ANKRD33: variants seen among roughly 807,000 people sequenced by gnomAD.
ANKRD33 encodes ankyrin repeat domain 33.
A neutral mutation model predicts 20.6 loss-of-function variants in ANKRD33; 20 were observed. That is an observed-to-expected ratio of 0.97 (90% CI 0.68 to 1.41). The LOEUF (loss-of-function observed/expected upper bound fraction) is 1.41, where lower values mean the gene tolerates loss of function less well. Ranked by LOEUF, ANKRD33 falls within the 40% of genes most tolerant of loss-of-function variation. ANKRD33 has a pLI of 0.00. For missense variants in ANKRD33, 545 were observed against 579.6 expected (o/e 0.94, Z 0.61); for synonymous variants, 246 against 245.0 (o/e 1.00, Z -0.04).
At chr12:51,888,978 G>A (rs1565583513) in intron 2 of ANKRD33, 89 bp from the exon 3 acceptor site, 2 of 1,592,196 alleles carry the variant, frequency 1.3e-6, no homozygotes, top group Non-Finnish European at 1.7e-6. Context: ...TTTGGGGCAG[G>A]CTCTGGGACA....
chr12:51,888,496 C>T (rs772336884), intron 1 of ANKRD33, 72 bp from the exon 2 acceptor site: 74 of 1,557,756 alleles, frequency 4.8e-5, no homozygotes, highest in Non-Finnish European at 6.0e-5. Context: ...GGGCTGTGCA[C>T]TTCGCAGCTG....
At chr12:51,888,446 G>A (rs1940292631) in intron 1 of ANKRD33, 115 bp downstream of exon 1, 2 of 1,571,600 alleles carry the variant, frequency 1.3e-6, no homozygotes, top group Admixed American at 2.0e-5. Flanking sequence ...GGGTGGATGG[G>A]GCGAGACCCC....
Position 51,891,349 on chromosome 12 carries a change from C to T in ANKRD33, c.*44C>T, listed in dbSNP as rs1355378204. On this transcript the variant is annotated 3_prime_UTR_variant, in exon 5 of 5. Coordinates refer to ENST00000301190, the MANE Select transcript of ANKRD33 (RefSeq NM_182608.4). ...AGGCTGGGAACAGGTAATCAGGCCCCTCCCAGGGCTTCTTTCCCCTCTGGA... is the reference window on the plus strand; with the variant it reads ...AGGCTGGGAACAGGTAATCAGGCCCTTCCCAGGGCTTCTTTCCCCTCTGGA... 1.3e-6 allele frequency: 2 copies of T among 1,584,482 alleles called. No individual in the cohort carries two copies. The highest frequency in any genetic ancestry group is 2.3e-5 in the East Asian group (1 of 43,738).
At chr12:51,888,950 GGGCGGGTCTTCAC>G (rs753713726) in intron 2 of ANKRD33, 104 bp from the exon 3 acceptor site, 5 of 1,583,480 alleles carry the variant, frequency 3.2e-6, no homozygotes, top group Non-Finnish European at 3.4e-6. Context: ...GAATGGTTAA[GGGCGGGTCTTCAC>G]GGGGTTTGGG....
chr12:51,890,458 CTT>C (rs1940382149), intron 4 of ANKRD33, 124 bp from the exon 5 acceptor site: 18 of 1,535,146 alleles, frequency 1.2e-5, no homozygotes, highest in Non-Finnish European at 1.6e-5. Flanking sequence ...CTGATTCCAC[CTT>C]CAACAGGATG....
chr12:51,890,085 A>G (rs1259695734), intron 4 of ANKRD33: 1 of 254,536 alleles, frequency 3.9e-6, no homozygotes, highest in African/African-American at 2.2e-5. Flanking sequence ...TTCCCCACAC[A>G]CCCCACTGGG....
In ANKRD33 at chr12:51,891,306, G is replaced by A. The variant is rs143960014; in HGVS notation, c.*1G>A. 37,043 of 1,613,404 alleles carry A rather than the reference G, an allele frequency of 0.023. 531 individuals carry two copies. The highest frequency in any genetic ancestry group is 0.04 in the Middle Eastern group (242 of 6,056). On this transcript the variant is annotated 3_prime_UTR_variant, in exon 5 of 5. Coordinates refer to ENST00000301190, the MANE Select transcript of ANKRD33 (RefSeq NM_182608.4). ...GGAGGCCAGAATGGCACAGAAGTAG[G>A]GGAAGATGGGATAGGACAGGCTGGG...
rs145113038 is a variant in ANKRD33 at position 51,890,747 on chromosome 12, C to T, written c.801C>T (p.Ser267=). Residue 267 remains serine (S), a synonymous_variant, in exon 5 of 5, where the codon TCC becomes TCT. Coordinates refer to ENST00000301190, the MANE Select transcript of ANKRD33 (RefSeq NM_182608.4). The part of the protein sequence containing the change: ...QHYKPEWPAL[S]GLVAQAQAQA... Reference sequence around the variant, plus strand: ...ACAAGCCCGAGTGGCCGGCCTTGTCCGGGCTCGTGGCCCAGGCCCAGGCCC... The same window carrying T: ...ACAAGCCCGAGTGGCCGGCCTTGTCTGGGCTCGTGGCCCAGGCCCAGGCCC... The T allele has an allele frequency of 2.5e-5, 40 of 1,604,348 alleles. No individual in the cohort carries two copies. Among genetic ancestry groups the T allele is most frequent in the South Asian group, 3.3e-5 (3 of 91,036 alleles).
At chr12:51,890,166 C>T (rs982112458) in intron 4 of ANKRD33, 11 of 356,098 alleles carry the variant, frequency 3.1e-5, no homozygotes, top group Non-Finnish European at 5.5e-5. Flanking sequence ...AGAGTGACTG[C>T]TCCTCCCACA....
Position 51,891,032 on chromosome 12 carries a change from T to C in ANKRD33, c.1086T>C (p.Ser362=), listed in dbSNP as rs1369830143. 2.5e-6 allele frequency: 4 copies of C among 1,611,362 alleles called. No homozygotes were observed. In the African/African-American group the frequency reaches 4.1e-5, roughly 16 times the overall value. Residue 362 remains serine, a synonymous_variant, in exon 5 of 5, where the codon AGT becomes AGC. Transcript: ENST00000301190. ...PPLVPQSPPG[S]PQRSPWVFVP... ...TGGTTCCCCAGTCCCCGCCAGGGAG[T>C]CCCCAGAGGTCCCCGTGGGTCTTCG...
rs1398129126 is a variant in ANKRD33, at chr12:51,888,249, A to G, written c.63A>G (p.Ala21=). Residue 21 remains alanine, a synonymous_variant, in exon 1 of 5, where the codon GCA becomes GCG. Transcript: ENST00000301190. Reference sequence around the variant, plus strand: ...GGGGAGGGATAGTCCACCTGGAGGCATTCGGAGACCCAGTGATTGTGCTCC... The same window carrying G: ...GGGGAGGGATAGTCCACCTGGAGGCGTTCGGAGACCCAGTGATTGTGCTCC... The part of the protein sequence containing the change: ...ASWGGIVHLE[A]FGDPVIVLRG... The G allele has an allele frequency of 2.0e-5, 32 of 1,611,366 alleles. No individual in the cohort carries two copies. Among genetic ancestry groups the G allele is most frequent in the Non-Finnish European group, 2.7e-5 (32 of 1,178,498 alleles).
In ANKRD33 at chr12:51,889,450, C is replaced by T. The variant is rs202149780; in HGVS notation, c.605C>T (p.Thr202Met). Reference sequence around the variant, plus strand: ...GAACGCCGGGACCAGCGGGGGCTCACGGCGTTAATGAAGGCTGCCATGCGG... The same window carrying T: ...GAACGCCGGGACCAGCGGGGGCTCATGGCGTTAATGAAGGCTGCCATGCGG... Reference protein sequence around the residue: ...DLERRDQRGLTALMKAAMRNR... With the variant: ...DLERRDQRGLMALMKAAMRNR... The change falls in exon 4 of 5, where the codon ACG (threonine) becomes ATG (methionine). Residue 202 changes from threonine (T) to methionine (M), a missense_variant. By Grantham distance (81) the Thr-to-Met change is moderately conservative. Coordinates refer to ENST00000301190, the MANE Select transcript of ANKRD33 (RefSeq NM_182608.4). 3.1e-5 allele frequency: 50 copies of T among 1,614,082 alleles called. 1 individual carries two copies. The Middle Eastern group carries it at 1.2e-3, about 37-fold the overall frequency.
chr12:51,891,465 A>T lies in ANKRD33; in HGVS notation c.*160A>T. ...GTCATTCATTCTAGCATTGTTTGCA[A>T]GAGTGAAAGAGTGGAAACACCCGAA... On this transcript the variant is annotated 3_prime_UTR_variant, in exon 5 of 5. Transcript: ENST00000301190. 8.0e-7 allele frequency: 1 copy of T among 1,254,720 alleles called. No homozygotes were observed. Among genetic ancestry groups the T allele is most frequent in the South Asian group, 1.6e-5 (1 of 62,802 alleles). The allele number at this position is 1,254,720 out of a possible 1,614,324, so 77.7% of individuals were successfully genotyped here. A position where few individuals can be genotyped will look rare whatever the true frequency, so the allele number is the denominator to read the frequency against.
Position 51,890,896 on chromosome 12 carries a change from G to C in ANKRD33, c.950G>C (p.Ser317Thr). The C allele has an allele frequency of 6.2e-7, 1 of 1,613,444 alleles. No homozygotes were observed. ...GTGACTGCCACAACCAGCCTGGCCA[G>C]TCCCTTCGTCACCACTGCCTGCCAC... ...HLVTATTSLA[S>T]PFVTTACHTL... Residue 317 changes from serine to threonine, a missense_variant, in exon 5 of 5, where the codon AGT becomes ACT. Coordinates refer to ENST00000301190, the MANE Select transcript of ANKRD33 (RefSeq NM_182608.4).
Position 51,890,636 on chromosome 12 carries a change from G to C in ANKRD33, c.690G>C (p.Trp230Cys). 5 of 1,609,816 alleles carry C rather than the reference G, an allele frequency of 3.1e-6. No individual in the cohort carries two copies. Among genetic ancestry groups the C allele is most frequent in the Non-Finnish European group, 4.2e-6 (5 of 1,179,996 alleles). ...DPVRGKTALE[W>C]AVLTDSFDTV... Reference sequence around the variant, plus strand: ...TTCGGGGCAAGACGGCCCTGGAATGGGCAGTGCTGACCGACAGCTTCGACA... The same window carrying C: ...TTCGGGGCAAGACGGCCCTGGAATGCGCAGTGCTGACCGACAGCTTCGACA... The change falls in exon 5 of 5, where the codon TGG becomes TGC. Residue 230 changes from tryptophan (W) to cysteine (C), a missense_variant. Trp to Cys is a radical substitution (Grantham distance 215). Transcript: ENST00000301190.
rs1416579120 is a variant in ANKRD33 at position 51,890,625 on chromosome 12, GC to G, written c.682del (p.Leu228TrpfsTer6). ...AGTGGACCCTGTTCGGGGCAAGACG[GC>G]CCTGGAATGGGCAGTGCTGACCGAC... ...TAVDPVRGKT[A>X]LEWAVLTDSF... On this transcript the variant is annotated frameshift_variant, in exon 5 of 5. Transcript: ENST00000301190. LOFTEE classifies it low-confidence loss of function (END_TRUNC). 6.2e-7 allele frequency: 1 copy of G among 1,610,140 alleles called. No homozygotes were observed. The highest frequency in any genetic ancestry group is 1.3e-5 in the African/African-American group (1 of 74,928).
rs1261720981 is a variant in ANKRD33 at position 51,890,766 on chromosome 12, C to G, written c.820C>G (p.Gln274Glu). The G allele has an allele frequency of 5.6e-6, 9 of 1,604,006 alleles. No individual in the cohort carries two copies. The highest frequency in any genetic ancestry group is 2.2e-5 in the East Asian group (1 of 44,854). ...CTTGTCCGGGCTCGTGGCCCAGGCC[C>G]AGGCCCAGGCCCAGGTTGCCCCTTC... ...PALSGLVAQA[Q>E]AQAQVAPSLL... is the part of the protein sequence containing the mutation. Residue 274 changes from glutamine (Q) to glutamate (E), a missense_variant, in exon 5 of 5, where the codon CAG (glutamine) becomes GAG (glutamate). Coordinates refer to ENST00000301190, the MANE Select transcript of ANKRD33 (RefSeq NM_182608.4).
rs1940425980 is a variant in ANKRD33 at position 51,891,409 on chromosome 12, T to C, written c.*104T>C. 1 of 1,458,106 alleles carries C rather than the reference T, an allele frequency of 6.9e-7. No individual in the cohort carries two copies. The highest frequency in any genetic ancestry group is 9.1e-7 in the Non-Finnish European group (1 of 1,102,594). 90.3% of individuals were successfully genotyped at this position (1,458,106 alleles called of 1,614,324 possible). A position where few individuals can be genotyped will look rare whatever the true frequency, so the allele number is the denominator to read the frequency against. The stretch of plus-strand genomic sequence containing the variant: ...GCCTCCCCATCCACCTCTGCCTAAG[T>C]AAATCTGCTCTCAACCTATATATAT... On this transcript the variant is annotated 3_prime_UTR_variant, in exon 5 of 5. Coordinates refer to ENST00000301190, the MANE Select transcript of ANKRD33 (RefSeq NM_182608.4).
Position 51,888,663 on chromosome 12 carries a change from G to T in ANKRD33, c.241G>T (p.Ala81Ser), listed in dbSNP as rs1402450334. The T allele has an allele frequency of 6.2e-7, 1 of 1,611,112 alleles. No individual in the cohort carries two copies. The highest frequency in any genetic ancestry group is 8.5e-7 in the Non-Finnish European group (1 of 1,178,572). Reference sequence around the variant, plus strand: ...CAGGAGACGGCTGGACATGTCTGAGGCACTGCCCTGCCCGGGCAAGGAGAC... The same window carrying T: ...CAGGAGACGGCTGGACATGTCTGAGTCACTGCCCTGCCCGGGCAAGGAGAC... ...LHRRRLDMSE[A>S]LPCPGKETPT... Residue 81 changes from alanine to serine, a missense_variant, in exon 2 of 5, where the codon GCA (alanine) becomes TCA (serine). Transcript: ENST00000301190.
Sources: allele counts gnomAD v4.1 joint callset, GRCh38; gene constraint gnomAD v4.1.1; transcripts MANE v1.5; gene names NCBI Gene and HGNC (gene_info 2026-07-23, HGNC 2026-07-21).